The following ERI1 variants were observed in gnomAD, a reference collection of about 807,000 sequenced individuals.
The protein encoded by ERI1 is 3'-5' exoribonuclease 1.
In ERI1, 39 loss-of-function variants were observed where a neutral mutation model predicts 39.7. That is an observed-to-expected ratio of 0.98 (90% CI 0.76 to 1.28). ERI1 has a LOEUF of 1.28. Among genes scored for constraint, ERI1 ranks in the 50% most tolerant of loss-of-function variants. The pLI, the probability that ERI1 is intolerant of heterozygous loss-of-function variation, is 0.00. For synonymous variants in ERI1, 204 were observed against 149.6 expected, an observed-to-expected ratio of 1.36 and a Z score of -2.65; for missense variants, 581 against 416.9, an observed-to-expected ratio of 1.39 and a Z score of -3.43.
downstream of ERI1, among the ~76,000 whole-genome samples, chr8:9,037,430 T>C (rs190428187): frequency 5.3e-5 from 8 of 152,218 alleles, no homozygotes; most frequent in African/African-American, 1.9e-4. Context: ...TATTTGTTCA[T>C]TGCACTTTTG....
At chr8:9,070,377 C>T (rs949466128) in intron 3 of ERI1, among the ~76,000 whole-genome samples, 1 of 152,270 alleles carries the variant, frequency 6.6e-6, no homozygotes, top group Non-Finnish European at 1.5e-5. Context: ...AATCCTAGCC[C>T]TTTGGGAGGC....
chr8:9,056,198 C>T (rs918252272), intron 3 of ERI1, among the ~76,000 whole-genome samples: 23 of 152,210 alleles, frequency 1.5e-4, no homozygotes, highest in Admixed American at 1.2e-3. Flanking sequence ...TCCCCAGCTC[C>T]GCTGGAAGTG....
At chr8:9,058,842 T>TAAAG (rs1194042180) in intron 3 of ERI1, among the ~76,000 whole-genome samples, 4 of 106,804 alleles carry the variant, frequency 3.7e-5, no homozygotes, top group Admixed American at 3.3e-4. Context: ...ACTTCATTGA[T>TAAAG]AAATAAATAA....
intron 3 of ERI1, among the ~76,000 whole-genome samples, chr8:9,060,424 A>G (rs35808561): frequency 0.14 from 21,507 of 151,954 alleles, 1,668 homozygotes; most frequent in African/African-American, 0.18. Context: ...GCAAATCTCC[A>G]AGCTTGATGT....
intron 3 of ERI1, among the ~76,000 whole-genome samples, chr8:9,068,986 C>G (rs556292362): frequency 8.2e-4 from 124 of 152,094 alleles, no homozygotes; most frequent in African/African-American, 2.7e-3. Context: ...CTTGGCTAAT[C>G]TTTTTATTTT....
chr8:9,085,080 T>G (rs1199882045), intron 3 of ERI1, among the ~76,000 whole-genome samples: 4 of 152,154 alleles, frequency 2.6e-5, no homozygotes, highest in Admixed American at 6.6e-5. Context: ...AATCAGAAAT[T>G]TGGGGGTGGG....
intron 3 of ERI1, among the ~76,000 whole-genome samples, chr8:9,040,732 GGGGGGGGT>G (rs1797990636): frequency 6.7e-6 from 1 of 149,676 alleles, no homozygotes; most frequent in Non-Finnish European, 1.5e-5. Flanking sequence ...GTGTGTGTGG[GGGGGGGGT>G]GTGTGTTAGT....
intron 6 of ERI1, among the ~76,000 whole-genome samples, chr8:9,022,724 T>C (rs1320000587): frequency 1.3e-5 from 2 of 152,170 alleles, no homozygotes; most frequent in Non-Finnish European, 2.9e-5. Flanking sequence ...TTTTGTGTTT[T>C]TGAACTCATT....
chr8:9,020,594 A>G, intron 6 of ERI1, 130 bp downstream of exon 6: 3 of 585,514 alleles, frequency 5.1e-6, no homozygotes, highest in South Asian at 2.4e-5. Flanking sequence ...CTTACTCTTC[A>G]GATTCCAAAT....
At chr8:9,013,525 G>GTTCTCTGCTTACATCTTC (rs1816899239) in intron 3 of ERI1, among the ~76,000 whole-genome samples, 1 of 151,672 alleles carries the variant, frequency 6.6e-6, no homozygotes, top group African/African-American at 2.4e-5. Flanking sequence ...CCTAGCCCCC[G>GTTCTCTGCTTACATCTTC]TTCTCTGCTT....
chr8:9,045,435 A>G (rs1798145271), intron 3 of ERI1, among the ~76,000 whole-genome samples: 1 of 151,906 alleles, frequency 6.6e-6, no homozygotes, highest in African/African-American at 2.4e-5. Flanking sequence ...CTTAATAGGC[A>G]GGCTCTCATT....
intron 3 of ERI1, among the ~76,000 whole-genome samples, chr8:9,077,428 A>G (rs1057459552): frequency 3.0e-4 from 46 of 152,344 alleles, no homozygotes; most frequent in African/African-American, 9.4e-4. Flanking sequence ...ATACAAATTT[A>G]TCATGTGCCT....
At chr8:9,021,329 G>A (rs1313040291) in intron 6 of ERI1, among the ~76,000 whole-genome samples, 1 of 152,050 alleles carries the variant, frequency 6.6e-6, no homozygotes, top group Non-Finnish European at 1.5e-5. Flanking sequence ...CTTTAATCCT[G>A]TTCTAATCTG....
intron 3 of ERI1, among the ~76,000 whole-genome samples, chr8:9,092,959 C>T (rs1447591848): frequency 6.6e-6 from 1 of 152,178 alleles, no homozygotes; most frequent in African/African-American, 2.4e-5. Flanking sequence ...GAGTCTTTGG[C>T]GTTCCTTGGC....
intron 4 of ERI1, 21 bp downstream of exon 4, chr8:9,016,426 T>C: frequency 6.8e-7 from 1 of 1,473,400 alleles, no homozygotes; most frequent in Non-Finnish European, 9.3e-7. Context: ...TAAGTTCTTC[T>C]TTCTAGAGTT....
chr8:9,085,667 T>G (rs1406783041), intron 3 of ERI1, among the ~76,000 whole-genome samples: 4 of 151,870 alleles, frequency 2.6e-5, no homozygotes, highest in African/African-American at 9.7e-5. Flanking sequence ...TATCTGGCCC[T>G]TAACAGAGAA....
At chr8:9,097,041 T>C (rs1230790946) in intron 3 of ERI1, among the ~76,000 whole-genome samples, 1 of 151,878 alleles carries the variant, frequency 6.6e-6, no homozygotes. Context: ...AACGAACCCA[T>C]TCCCTCTCTG....
chr8:9,058,853 A>G (rs1014544995), intron 3 of ERI1, among the ~76,000 whole-genome samples: 3 of 112,634 alleles, frequency 2.7e-5, no homozygotes, highest in Non-Finnish European at 6.0e-5. Context: ...AAATAAATAA[A>G]TAAATAAATA....
intron 3 of ERI1, among the ~76,000 whole-genome samples, chr8:9,058,621 G>T (rs995827185): frequency 6.6e-6 from 1 of 152,162 alleles, no homozygotes; most frequent in Non-Finnish European, 1.5e-5. Context: ...ATCCCTGAAA[G>T]TATCGTCTTC....
Sources: allele counts gnomAD v4.1 joint callset (sites outside exome capture counted in the v4.1 genomes callset), GRCh38; gene constraint gnomAD v4.1.1; transcripts MANE v1.5; gene names NCBI Gene and HGNC (gene_info 2026-07-23, HGNC 2026-07-21).